The following FOXP1 variants were observed in gnomAD, a reference collection of about 807,000 sequenced individuals.
The protein encoded by FOXP1 is forkhead box P1.
Under a neutral mutation model 98.2 loss-of-function variants are expected in FOXP1, and 15 were observed. The observed-to-expected ratio is 0.15, with a 90% confidence interval of 0.10 to 0.24. FOXP1 has a LOEUF of 0.24. Ranked by LOEUF, FOXP1 falls within the 10% of genes least tolerant of loss-of-function variation. FOXP1 has a pLI of 1.00. For synonymous variants in FOXP1, 371 were observed against 314.5 expected (o/e 1.18, Z -1.90); for missense variants, 633 against 848.5 (o/e 0.75, Z 3.15).
intron 2 of FOXP1, among the ~76,000 whole-genome samples, chr3:71,576,070 T>C (rs1433848601): frequency 2.0e-5 from 3 of 152,342 alleles, no homozygotes; most frequent in East Asian, 3.9e-4. Context: ...CTATTGAACA[T>C]AAACAAGGCC....
chr3:71,330,785 T>C (rs2076244813), intron 4 of FOXP1, among the ~76,000 whole-genome samples: 1 of 152,378 alleles, frequency 6.6e-6, no homozygotes, highest in Admixed American at 6.5e-5. Flanking sequence ...GTAGAACTTA[T>C]ATTACAAAAG....
chr3:71,496,522 T>A (rs1422302955), intron 2 of FOXP1, among the ~76,000 whole-genome samples: 1 of 151,994 alleles, frequency 6.6e-6, no homozygotes, highest in Non-Finnish European at 1.5e-5. Flanking sequence ...CATAAATCGG[T>A]TAAACAATAC....
At position 71,290,623 on chromosome 3, in the gene FOXP1, C is replaced by T. The variant is rs72628628; in HGVS notation, c.-12+9197G>A. Among the ~76,000 whole-genome samples the T allele has an allele frequency of 0.016, 2,500 of 152,232 alleles. 116 individuals carry two copies. The East Asian group carries it at 0.17, about 10-fold the overall frequency. ...ACCTCAAAGCCCCTCAATGGCTCCC[C>T]AATAAGAATATAAAAAGCCCTAATG... On this transcript the variant is annotated intron_variant, in intron 5 of 20. Transcript: ENST00000649528.
At chr3:71,259,933 G>C (rs1464982029) in intron 5 of FOXP1, among the ~76,000 whole-genome samples, 1 of 152,162 alleles carries the variant, frequency 6.6e-6, no homozygotes, top group African/African-American at 2.4e-5. Flanking sequence ...GTTAGGCAGG[G>C]ACATGAAGGA....
intron 5 of FOXP1, among the ~76,000 whole-genome samples, chr3:71,237,381 C>T (rs2066891235): frequency 6.6e-6 from 1 of 151,224 alleles, no homozygotes; most frequent in Non-Finnish European, 1.5e-5. Context: ...CTTTGGATGC[C>T]AGCATATATT....
chr3:71,042,596 A>G (rs772033439), intron 10 of FOXP1, among the ~76,000 whole-genome samples: 6 of 152,218 alleles, frequency 3.9e-5, no homozygotes, highest in Non-Finnish European at 7.3e-5. Flanking sequence ...CTAAGGCAAT[A>G]CCACATTAGA....
At chr3:70,979,429 C>T (rs1361260498) in intron 14 of FOXP1, among the ~76,000 whole-genome samples, 2 of 151,088 alleles carry the variant, frequency 1.3e-5, no homozygotes, top group Non-Finnish European at 2.9e-5. Flanking sequence ...AAATTTGTTG[C>T]AACAGAAATA....
chr3:71,279,979 C>T (rs1230630477), intron 5 of FOXP1, among the ~76,000 whole-genome samples: 2 of 151,632 alleles, frequency 1.3e-5, no homozygotes, highest in Non-Finnish European at 1.5e-5. Flanking sequence ...AAAAATTAGC[C>T]GGGCGTGGTG....
At chr3:71,040,595 C>G (rs2048212089) in intron 11 of FOXP1, among the ~76,000 whole-genome samples, 1 of 152,146 alleles carries the variant, frequency 6.6e-6, no homozygotes, top group African/African-American at 2.4e-5. Flanking sequence ...TTCTGGATCT[C>G]TAAAACAAGC....
chr3:71,146,509 A>G (rs547424062), intron 6 of FOXP1, among the ~76,000 whole-genome samples: 1 of 152,082 alleles, frequency 6.6e-6, no homozygotes, highest in South Asian at 2.1e-4. Context: ...AGAGCAAAAA[A>G]ATAAAAAATA....
intron 5 of FOXP1, chr3:71,245,284 A>C (rs1053083962): frequency 6.6e-6 from 1 of 152,174 alleles, no homozygotes; most frequent in East Asian, 1.9e-4. Flanking sequence ...ACATAGTTGC[A>C]ATGAAATGGA....
At chr3:71,039,756 G>C (rs1239922080) in intron 11 of FOXP1, among the ~76,000 whole-genome samples, 1 of 108,282 alleles carries the variant, frequency 9.2e-6, no homozygotes, top group East Asian at 2.6e-4. Context: ...TTTCTTTCTT[G>C]AAAAAAAAAA....
intron 2 of FOXP1, among the ~76,000 whole-genome samples, chr3:71,514,105 T>C (rs2042392882): frequency 6.6e-6 from 1 of 152,228 alleles, no homozygotes; most frequent in Non-Finnish European, 1.5e-5. Context: ...TTTAATGGTA[T>C]GGCCCCAACT....
intron 7 of FOXP1, among the ~76,000 whole-genome samples, chr3:71,102,749 T>A (rs2057075762): frequency 6.6e-6 from 1 of 152,230 alleles, no homozygotes; most frequent in African/African-American, 2.4e-5. Flanking sequence ...GCAACTCTGA[T>A]TCCATTCCTT....
At chr3:71,453,964 G>A (rs2087193279) in intron 3 of FOXP1, among the ~76,000 whole-genome samples, 1 of 152,184 alleles carries the variant, frequency 6.6e-6, no homozygotes, top group Non-Finnish European at 1.5e-5. Flanking sequence ...TTAAGGGGCT[G>A]TAACTCTGAA....
intron 10 of FOXP1, among the ~76,000 whole-genome samples, chr3:71,042,442 T>A (rs1051060582): frequency 6.6e-6 from 1 of 152,078 alleles, no homozygotes; most frequent in Admixed American, 6.6e-5. Context: ...GGTTTCCAAA[T>A]CCCACCTCAA....
chr3:70,987,107 C>G (rs1253703824), intron 14 of FOXP1, among the ~76,000 whole-genome samples: 3 of 152,210 alleles, frequency 2.0e-5, no homozygotes, highest in Admixed American at 6.5e-5. Context: ...TGACTCCAAG[C>G]AAAATCAAAT....
At position 70,955,849 on chromosome 3, in the gene FOXP1, C is replaced by CACACACACACAA. The variant is rs1281805015; in HGVS notation, c.*3397_*3398insTTGTGTGTGTGT. On this transcript the variant is annotated 3_prime_UTR_variant, in exon 21 of 21. Transcript: ENST00000649528. ...GCACGCGCGCACACACACACACACA[C>CACACACACACAA]ACACACAAAACCTGTACAAAATGCT... 4.3e-6 allele frequency: 1 copy of CACACACACACAA among 233,164 alleles called. No homozygotes were observed. The highest frequency in any genetic ancestry group is 6.0e-5 in the East Asian group (1 of 16,586). 14.4% of individuals were successfully genotyped at this position (233,164 alleles called of 1,614,324 possible).
intron 6 of FOXP1, among the ~76,000 whole-genome samples, chr3:71,136,583 T>C (rs901288487): frequency 6.6e-6 from 1 of 152,202 alleles, no homozygotes; most frequent in Admixed American, 6.5e-5. Flanking sequence ...CACATAAAAA[T>C]ATGTACCATT....
Sources: allele counts gnomAD v4.1 joint callset (sites outside exome capture counted in the v4.1 genomes callset), GRCh38; gene constraint gnomAD v4.1.1; transcripts MANE v1.5; gene names NCBI Gene and HGNC (gene_info 2026-07-23, HGNC 2026-07-21).